The following EPB41L4A variants were observed in gnomAD, a reference collection of about 807,000 sequenced individuals.
EPB41L4A encodes the protein band 4.1-like protein 4A.
In EPB41L4A, 100 loss-of-function variants were observed where a neutral mutation model predicts 108.6. The ratio of observed to expected loss-of-function variants is 0.92; its 90% CI spans 0.78 to 1.09. EPB41L4A has a LOEUF of 1.09. Ranked by LOEUF, EPB41L4A falls within the 50% of genes least tolerant of loss-of-function variation. EPB41L4A has a pLI of 0.00. For synonymous variants in EPB41L4A, 319 were observed against 289.0 expected, an observed-to-expected ratio of 1.10 and a Z score of -1.05; for missense variants, 1,030 against 842.7, an observed-to-expected ratio of 1.22 and a Z score of -2.75.
chr5:112,231,582 G>A (rs976960428), intron 12 of EPB41L4A, among the ~76,000 whole-genome samples: 2 of 150,352 alleles, frequency 1.3e-5, no homozygotes, highest in South Asian at 2.1e-4. Context: ...TCAGGAGATC[G>A]AGACCATCCT....
At chr5:112,239,851 C>T (rs925370863) in intron 10 of EPB41L4A, 114 bp from the exon 11 acceptor site, 6 of 545,426 alleles carry the variant, frequency 1.1e-5, no homozygotes, top group East Asian at 3.3e-5. Flanking sequence ...TATAAGAATA[C>T]TTCTCCAACA....
At chr5:112,391,558 C>T (rs7736457) in intron 1 of EPB41L4A, among the ~76,000 whole-genome samples, 21,376 of 151,996 alleles carry the variant, frequency 0.14, 4,219 homozygotes, top group African/African-American at 0.44. Context: ...ACGAACAAAG[C>T]CTCCAAGAAA....
In EPB41L4A at chr5:112,266,319, A is replaced by C; in HGVS notation, c.347T>G (p.Phe116Cys). 2 of 1,599,530 alleles carry C rather than the reference A, an allele frequency of 1.3e-6. No individual in the cohort carries two copies. The highest frequency in any genetic ancestry group is 1.7e-6 in the Non-Finnish European group (2 of 1,172,766). The change falls in exon 5 of 23, where the codon TTC (phenylalanine) becomes TGC (cysteine). Residue 116 changes from phenylalanine (F) to cysteine (C), a missense_variant. Physicochemically the swap from Phe to Cys is radical, Grantham distance 205. Transcript: ENST00000261486. Reference sequence around the variant, plus strand: ...AAGGACATCTTGCTTCACCTGCAAGAAAAACTGATATCTAAAAGAGAAACA... The same window carrying C: ...AAGGACATCTTGCTTCACCTGCAAGCAAAACTGATATCTAAAAGAGAAACA... ...LKEEITRYQFFLQVKQDVLQG... is the reference protein window; with the variant it reads ...LKEEITRYQFCLQVKQDVLQG...
chr5:112,326,324 A>T (rs1029774535), intron 1 of EPB41L4A, among the ~76,000 whole-genome samples: 9 of 152,008 alleles, frequency 5.9e-5, no homozygotes, highest in African/African-American at 2.2e-4. Context: ...TCACAGGGTT[A>T]TAACTGCCAG....
chr5:112,205,696 G>A (rs1298142950), intron 13 of EPB41L4A, among the ~76,000 whole-genome samples, 192 bp from the exon 14 acceptor site: 2 of 152,144 alleles, frequency 1.3e-5, no homozygotes, highest in Non-Finnish European at 2.9e-5. Context: ...GTACCTTTGG[G>A]TCTTTCCCCC....
chr5:112,273,831 A>G (rs1195324724), intron 4 of EPB41L4A, among the ~76,000 whole-genome samples: 5 of 152,186 alleles, frequency 3.3e-5, no homozygotes, highest in Non-Finnish European at 5.9e-5. Context: ...CTGAAACTCT[A>G]ATGAAAATAC....
At chr5:112,392,514 G>C (rs1214428008) in intron 1 of EPB41L4A, among the ~76,000 whole-genome samples, 1 of 151,356 alleles carries the variant, frequency 6.6e-6, no homozygotes, top group Non-Finnish European at 1.5e-5. Context: ...TAATGGTAAA[G>C]GGATCAATTC....
Position 112,307,391 on chromosome 5 carries a change from G to A in EPB41L4A, c.199C>T (p.Gln67Ter). The A allele has an allele frequency of 1.2e-6, 2 of 1,604,542 alleles. No homozygotes were observed. Among genetic ancestry groups the A allele is most frequent in the Non-Finnish European group, 1.7e-6 (2 of 1,172,022 alleles). Residue 67 changes from glutamine (Q) to a stop codon, truncating the protein, a stop_gained, in exon 2 of 23, where the codon CAG (glutamine) becomes TAG (stop). Coordinates refer to ENST00000261486, the MANE Select transcript of EPB41L4A (RefSeq NM_022140.5). LOFTEE classifies it high-confidence loss of function. ...CACAAAGTCACCTTACTCACCGTCT[G>A]ATGGCTTCTGTCACAGTAACGTAGC... ...FGLRYCDRSH[Q>*]TYWLDPAKTL...
intron 1 of EPB41L4A, among the ~76,000 whole-genome samples, chr5:112,338,020 T>A (rs1269648532): frequency 6.6e-6 from 1 of 152,120 alleles, no homozygotes; most frequent in African/African-American, 2.4e-5. Flanking sequence ...CTTGCCTCCA[T>A]CCCCTTAGGT....
At chr5:112,214,304 G>A (rs1436612709) in intron 12 of EPB41L4A, among the ~76,000 whole-genome samples, 1 of 152,124 alleles carries the variant, frequency 6.6e-6, no homozygotes, top group Admixed American at 6.5e-5. Context: ...AATAACAAGG[G>A]AATTTCAGGC....
At chr5:112,400,963 T>A (rs1415187501) in intron 1 of EPB41L4A, among the ~76,000 whole-genome samples, 1 of 152,136 alleles carries the variant, frequency 6.6e-6, no homozygotes, top group African/African-American at 2.4e-5. Flanking sequence ...ATGGTCTTAC[T>A]CTATGAAGTA....
At chr5:112,408,218 G>C (rs73218303) in intron 1 of EPB41L4A, among the ~76,000 whole-genome samples, 6,201 of 152,134 alleles carry the variant, frequency 0.041, 448 homozygotes, top group African/African-American at 0.14. Flanking sequence ...ATGGGTCATA[G>C]ACCTAAATGT....
At chr5:112,402,996 C>T (rs1298462340) in intron 1 of EPB41L4A, among the ~76,000 whole-genome samples, 1 of 151,400 alleles carries the variant, frequency 6.6e-6, no homozygotes, top group Non-Finnish European at 1.5e-5. Context: ...TATTTTTCTC[C>T]CTCTAGCTCA....
At chr5:112,205,920 G>A (rs1762451518) in intron 13 of EPB41L4A, 2 of 167,270 alleles carry the variant, frequency 1.2e-5, no homozygotes, top group Non-Finnish European at 2.6e-5. Context: ...CCAGGCACGG[G>A]TCTGAATCCA....
intron 1 of EPB41L4A, among the ~76,000 whole-genome samples, chr5:112,404,888 A>G (rs1761991738): frequency 6.6e-6 from 1 of 152,134 alleles, no homozygotes; most frequent in Non-Finnish European, 1.5e-5. Context: ...TCCATGCTGC[A>G]TGGCCTTCAG....
chr5:112,173,557 TG>T (rs1189130965), intron 18 of EPB41L4A: 3 of 70,276 alleles, frequency 4.3e-5, no homozygotes, highest in Non-Finnish European at 5.8e-5. Flanking sequence ...AGTGTTTTCA[TG>T]TTTTTTTTTT....
chr5:112,341,168 G>T (rs1395161209), intron 1 of EPB41L4A, among the ~76,000 whole-genome samples: 1 of 152,162 alleles, frequency 6.6e-6, no homozygotes, highest in African/African-American at 2.4e-5. Flanking sequence ...AGCTTCATGG[G>T]AACAGGGACT....
At chr5:112,224,015 G>C (rs548823724) in intron 12 of EPB41L4A, among the ~76,000 whole-genome samples, 12 of 152,124 alleles carry the variant, frequency 7.9e-5, no homozygotes, top group Non-Finnish European at 1.8e-4. Flanking sequence ...GCAGTGGCGC[G>C]ATCTCGGCTC....
intron 12 of EPB41L4A, among the ~76,000 whole-genome samples, chr5:112,232,264 T>C (rs1490147602): frequency 2.0e-5 from 3 of 152,148 alleles, no homozygotes; most frequent in African/African-American, 7.2e-5. Context: ...GTGTAAGTAA[T>C]ACATAAGCTT....
Sources: allele counts gnomAD v4.1 joint callset (sites outside exome capture counted in the v4.1 genomes callset), GRCh38; gene constraint gnomAD v4.1.1; transcripts MANE v1.5; gene names NCBI Gene and HGNC (gene_info 2026-07-23, HGNC 2026-07-21).